The following SPINK6 variants were observed in gnomAD, a reference collection of about 807,000 sequenced individuals.
SPINK6 encodes the protein serine protease inhibitor Kazal-type 6.
In SPINK6, 13 loss-of-function variants were observed where a neutral mutation model predicts 11.7. That is an observed-to-expected ratio of 1.11 (90% CI 0.72 to 1.76). SPINK6 has a LOEUF of 1.76. Ranked by LOEUF, SPINK6 falls within the 40% of genes most tolerant of loss-of-function variation. SPINK6 has a pLI of 0.00. For synonymous variants in SPINK6, 21 were observed against 31.9 expected (o/e 0.66, Z 1.15); for missense variants, 98 against 93.7 (o/e 1.05, Z -0.19).
In SPINK6 at chr5:148,214,946, G is replaced by C; in HGVS notation, c.239G>C (p.Cys80Ser). The change falls in exon 4 of 4, where the codon TGC (cysteine) becomes TCC (serine). Residue 80 changes from cysteine to serine, a missense_variant. Transcript: ENST00000325630. ...ATTAGCCTAAAGCATCCTGGAAAATGCTGAGTTAAAGCCAATGTTTCTTGG... is the reference window on the plus strand; with the variant it reads ...ATTAGCCTAAAGCATCCTGGAAAATCCTGAGTTAAAGCCAATGTTTCTTGG... ...GKISLKHPGK[C>S] 6.2e-7 allele frequency: 1 copy of C among 1,613,744 alleles called. No individual in the cohort carries two copies. Among genetic ancestry groups the C allele is most frequent in the East Asian group, 2.2e-5 (1 of 44,828 alleles).
chr5:148,206,452 G>A (rs988087768), intron 2 of SPINK6, among the ~76,000 whole-genome samples: 1 of 152,080 alleles, frequency 6.6e-6, no homozygotes, highest in Non-Finnish European at 1.5e-5. Flanking sequence ...CAATGTGAAA[G>A]TATTTGGCAA....
intron 2 of SPINK6, among the ~76,000 whole-genome samples, chr5:148,209,308 A>G (rs1755538815): frequency 6.6e-6 from 1 of 152,184 alleles, no homozygotes; most frequent in Non-Finnish European, 1.5e-5. Context: ...TCAACACTTC[A>G]AGACTCCTGA....
chr5:148,212,536 ATAAGTATATATTTATATATT>A (rs1311097110), intron 2 of SPINK6, among the ~76,000 whole-genome samples: 4 of 116,484 alleles, frequency 3.4e-5, no homozygotes, highest in Admixed American at 1.1e-4. Context: ...TATATTTTAT[ATAAGTATATATTTATATATT>A]TATATAATAT....
Position 148,212,532 on chromosome 5 carries a change from T to TATATAA in SPINK6, c.82-1378_82-1377insATATAA, listed in dbSNP as rs1755614122. ...ATTTTATATATATAAAGTATATATT[T>TATATAA]TATATAAGTATATATTTATATATTT... On this transcript the variant is annotated intron_variant, in intron 2 of 3. Transcript: ENST00000325630. Among the ~76,000 whole-genome samples the TATATAA allele has an allele frequency of 1.6e-4, 19 of 120,932 alleles. No individual in the cohort carries two copies. The East Asian group carries it at 3.8e-3, about 24-fold the overall frequency. The allele number at this position is 120,932 out of a possible 152,430, so 79.3% of individuals were successfully genotyped here.
chr5:148,211,192 T>C (rs78538639), intron 2 of SPINK6, among the ~76,000 whole-genome samples: 220 of 152,206 alleles, frequency 1.4e-3, no homozygotes, highest in Middle Eastern at 3.4e-3. Flanking sequence ...AAATGTCTCA[T>C]AGAGTGAGTT....
At chr5:148,208,664 A>G (rs1755531062) in intron 2 of SPINK6, among the ~76,000 whole-genome samples, 1 of 152,242 alleles carries the variant, frequency 6.6e-6, no homozygotes, top group Non-Finnish European at 1.5e-5. Flanking sequence ...AATGACTAAT[A>G]TGCTGACAAC....
Position 148,210,076 on chromosome 5 carries a change from A to G in SPINK6, c.82-3834A>G, listed in dbSNP as rs116296837. Among the ~76,000 whole-genome samples, 668 of 150,206 alleles carry G rather than the reference A, an allele frequency of 4.4e-3. 12 individuals are homozygous for G. Among genetic ancestry groups the G allele is most frequent in the African/African-American group, 0.016 (638 of 40,774 alleles). ...TATGTATGTATATGTATGTATGCATATATGTATGCATGTTTACATGTATGT... is the reference window on the plus strand; with the variant it reads ...TATGTATGTATATGTATGTATGCATGTATGTATGCATGTTTACATGTATGT... On this transcript the variant is annotated intron_variant, in intron 2 of 3. Transcript: ENST00000325630.
intron 2 of SPINK6, among the ~76,000 whole-genome samples, chr5:148,213,502 C>A (rs940447159): frequency 6.6e-6 from 1 of 151,958 alleles, no homozygotes; most frequent in Non-Finnish European, 1.5e-5. Flanking sequence ...CCCAGCCCAT[C>A]CATGTTTTGA....
chr5:148,208,411 C>T (rs1755527544), intron 2 of SPINK6, among the ~76,000 whole-genome samples: 1 of 152,192 alleles, frequency 6.6e-6, no homozygotes, highest in Admixed American at 6.5e-5. Context: ...TAGGAGCATG[C>T]TTGCTCAAGT....
Position 148,213,920 on chromosome 5 carries a change from G to A in SPINK6, c.92G>A (p.Gly31Asp), listed in dbSNP as rs1475760854. The change falls in exon 3 of 4, where the codon GGT (glycine) becomes GAT (aspartate). Residue 31 changes from glycine (G) to aspartate (D), a missense_variant. By Grantham distance (94) the Gly-to-Asp change is moderately conservative. Transcript: ENST00000325630. Reference protein sequence around the residue: ...VFSQGGQVDCGEFQDPKVYCT... With the variant: ...VFSQGGQVDCDEFQDPKVYCT... ...TGCTTACTTTGGTAGGTTGACTGTG[G>A]TGAGTTCCAGGACCCCAAGGTCTAC... 15 of 1,595,838 alleles carry A rather than the reference G, an allele frequency of 9.4e-6. No individual in the cohort carries two copies. In the East Asian group the frequency reaches 1.8e-4, roughly 19 times the overall value.
In SPINK6 at chr5:148,203,387, G is replaced by T. The variant is rs576418624; in HGVS notation, c.58+233G>T. The stretch of plus-strand genomic sequence containing the variant: ...CTAGGCATGTACGAAGGGATTTTAT[G>T]TATTGTCTCTGAGACTCATAATAAG... On this transcript the variant is annotated intron_variant, in intron 1 of 3. Coordinates refer to ENST00000325630, the MANE Select transcript of SPINK6 (RefSeq NM_205841.4). Among the ~76,000 whole-genome samples the T allele has an allele frequency of 4.1e-4, 62 of 152,212 alleles. 1 individual carries two copies. The highest frequency in any genetic ancestry group is 1.4e-3 in the African/African-American group (58 of 41,550).
At chr5:148,211,629 C>G (rs891310280) in intron 2 of SPINK6, among the ~76,000 whole-genome samples, 1 of 152,082 alleles carries the variant, frequency 6.6e-6, no homozygotes, top group South Asian at 2.1e-4. Flanking sequence ...GTCCGTTGTT[C>G]AAGATAACAC....
chr5:148,203,192 C>T (rs1463645695), intron 1 of SPINK6, 38 bp downstream of exon 1: 40 of 1,473,434 alleles, frequency 2.7e-5, no homozygotes, highest in Non-Finnish European at 3.8e-5. Context: ...CATATTTATA[C>T]TGAACTGGAT....
intron 1 of SPINK6, 93 bp downstream of exon 1, chr5:148,203,247 A>G: frequency 1.1e-6 from 1 of 915,790 alleles, no homozygotes; most frequent in Non-Finnish European, 1.7e-6. Flanking sequence ...AATGATTTTG[A>G]TGTAAAAGAC....
chr5:148,209,253 A>T (rs971723161), intron 2 of SPINK6, among the ~76,000 whole-genome samples: 9 of 152,190 alleles, frequency 5.9e-5, no homozygotes, highest in Admixed American at 5.2e-4. Flanking sequence ...CTCAGAAACG[A>T]GGTCTAGCTG....
intron 2 of SPINK6, among the ~76,000 whole-genome samples, chr5:148,207,350 A>T (rs964245125): frequency 2.6e-5 from 4 of 151,848 alleles, no homozygotes; most frequent in African/African-American, 9.7e-5. Flanking sequence ...GATTTCTCAG[A>T]TTTTTTTTCT....
At chr5:148,204,108 T>C (rs1241715051) in intron 1 of SPINK6, among the ~76,000 whole-genome samples, 2 of 150,276 alleles carry the variant, frequency 1.3e-5, no homozygotes, top group Non-Finnish European at 3.0e-5. Context: ...TGAATTTTAC[T>C]ACTATGCAAG....
chr5:148,208,894 T>C (rs1581141311), intron 2 of SPINK6, among the ~76,000 whole-genome samples: 2 of 152,246 alleles, frequency 1.3e-5, no homozygotes, highest in African/African-American at 2.4e-5. Flanking sequence ...TATATTTTCC[T>C]ATCAGGCTCT....
chr5:148,212,576 A>AT (rs1561733682), intron 2 of SPINK6, among the ~76,000 whole-genome samples: 5 of 102,380 alleles, frequency 4.9e-5, no homozygotes, highest in African/African-American at 2.0e-4. Context: ...TATATTATAT[A>AT]TTATATAAAT....
Sources: gnomAD v4.1 joint callset for allele counts (sites outside exome capture counted in the v4.1 genomes callset) on GRCh38, gnomAD v4.1.1 for gene constraint, MANE v1.5 for transcripts, NCBI Gene and HGNC (gene_info 2026-07-23, HGNC 2026-07-21) for gene names.